The following MYO16 variants were observed in gnomAD, a reference collection of about 807,000 sequenced individuals.
The protein encoded by MYO16 is myosin XVI, also known as unconventional myosin-XVI.
A neutral mutation model predicts 205.3 loss-of-function variants in MYO16; 94 were observed. The observed-to-expected ratio is 0.46, with a 90% CI of 0.39 to 0.54. The LOEUF (loss-of-function observed/expected upper bound fraction) is 0.54, where lower values mean the gene tolerates loss of function less well. Ranked by LOEUF, MYO16 falls within the 20% of genes least tolerant of loss-of-function variation. MYO16 has a pLI of 0.00. For synonymous variants in MYO16, 988 were observed against 954.0 expected (o/e 1.04, Z -0.66); for missense variants, 2,315 against 2,387.5 (o/e 0.97, Z 0.63).
At chr13:109,107,730 T>C (rs536882550) in intron 28 of MYO16, among the ~76,000 whole-genome samples, 2 of 151,330 alleles carry the variant, frequency 1.3e-5, no homozygotes, top group South Asian at 4.2e-4. Flanking sequence ...GAATTATAAA[T>C]GTTGAAAATA....
the MYO16 span, among the ~76,000 whole-genome samples, chr13:108,498,199 C>T: frequency 5.3e-5 from 8 of 152,116 alleles, no homozygotes; most frequent in African/African-American, 1.9e-4. Flanking sequence ...CAAATCCAGG[C>T]CAATAAAAAC....
chr13:108,553,354 C>A, the MYO16 span, among the ~76,000 whole-genome samples: 1 of 152,104 alleles, frequency 6.6e-6, no homozygotes, highest in African/African-American at 2.4e-5. Context: ...ACATTCAAAC[C>A]AAAGCAGCAT....
chr13:108,559,325 G>T, the MYO16 span, among the ~76,000 whole-genome samples: 1 of 152,086 alleles, frequency 6.6e-6, no homozygotes, highest in Non-Finnish European at 1.5e-5. Context: ...AATGCATGGA[G>T]CAGGTTTTCC....
At chr13:108,918,954 CA>C (rs10585137) in intron 16 of MYO16, among the ~76,000 whole-genome samples, 62,625 of 139,486 alleles carry the variant, frequency 0.45, 14,067 homozygotes, top group African/African-American at 0.56. Flanking sequence ...GAAAACAGAA[CA>C]AAAAAAAAAA....
At chr13:108,784,535 G>A (rs1447971355) in intron 4 of MYO16, among the ~76,000 whole-genome samples, 1 of 152,050 alleles carries the variant, frequency 6.6e-6, no homozygotes. Context: ...TATATTTAGA[G>A]CCGTTCTTTG....
At chr13:108,793,458 C>A in intron 5 of MYO16, 58 bp from the exon 6 acceptor site, 1 of 1,552,750 alleles carries the variant, frequency 6.4e-7, no homozygotes, top group African/African-American at 1.4e-5. Flanking sequence ...TAGGCTTTGA[C>A]CCCCAGGAAC....
At chr13:109,181,986 A>G (rs1486018480) in intron 34 of MYO16, among the ~76,000 whole-genome samples, 4 of 151,774 alleles carry the variant, frequency 2.6e-5, no homozygotes. Context: ...CACCCAGCTA[A>G]TTTTGTATTT....
chr13:108,710,826 T>C (rs1883690414), intron 2 of MYO16, among the ~76,000 whole-genome samples: 1 of 152,224 alleles, frequency 6.6e-6, no homozygotes, highest in Non-Finnish European at 1.5e-5. Flanking sequence ...CTTCACACTA[T>C]CTTTGTAGTG....
At chr13:108,750,972 T>C (rs72666798) in intron 4 of MYO16, among the ~76,000 whole-genome samples, 4 of 152,222 alleles carry the variant, frequency 2.6e-5, no homozygotes, top group Non-Finnish European at 2.9e-5. Flanking sequence ...GAGTTGACAA[T>C]ATCAGTATGA....
chr13:108,979,066 A>G (rs1007261756), intron 20 of MYO16, among the ~76,000 whole-genome samples: 1 of 152,028 alleles, frequency 6.6e-6, no homozygotes, highest in Non-Finnish European at 1.5e-5. Flanking sequence ...CCCCAAGATC[A>G]TTGATAATTA....
intron 4 of MYO16, among the ~76,000 whole-genome samples, chr13:108,777,739 T>C (rs1414952984): frequency 6.6e-6 from 1 of 152,200 alleles, no homozygotes; most frequent in Non-Finnish European, 1.5e-5. Flanking sequence ...TGGTCCAATG[T>C]CAGTGAATTA....
the MYO16 span, among the ~76,000 whole-genome samples, chr13:108,547,006 C>T: frequency 2.6e-3 from 393 of 152,210 alleles, 2 homozygotes; most frequent in African/African-American, 8.6e-3. Flanking sequence ...GGTACGGTGG[C>T]TCACCCCTGT....
the MYO16 span, among the ~76,000 whole-genome samples, chr13:108,570,136 T>TAAAC: frequency 6.6e-6 from 1 of 152,202 alleles, no homozygotes; most frequent in African/African-American, 2.4e-5. Flanking sequence ...CTCAAATAAT[T>TAAAC]ACTTAGGGTG....
At chr13:108,741,512 G>A (rs76721580) in intron 4 of MYO16, among the ~76,000 whole-genome samples, 5,404 of 152,180 alleles carry the variant, frequency 0.036, 296 homozygotes, top group African/African-American at 0.12. Flanking sequence ...TATGAGAGCT[G>A]AAACAACAGG....
At chr13:108,788,219 A>C (rs1004243299) in intron 5 of MYO16, among the ~76,000 whole-genome samples, 2 of 152,142 alleles carry the variant, frequency 1.3e-5, no homozygotes, top group African/African-American at 2.4e-5. Flanking sequence ...AGTTGATTAC[A>C]TGGAAACTCG....
At chr13:108,766,569 C>T (rs952146361) in intron 4 of MYO16, among the ~76,000 whole-genome samples, 4 of 152,128 alleles carry the variant, frequency 2.6e-5, no homozygotes, top group African/African-American at 7.2e-5. Flanking sequence ...CTTATAAAAT[C>T]GCCTTCATAC....
chr13:108,558,772 G>A, the MYO16 span, among the ~76,000 whole-genome samples: 6 of 152,202 alleles, frequency 3.9e-5, no homozygotes, highest in African/African-American at 1.2e-4. Flanking sequence ...TCAAGGATCT[G>A]CAAGAAAACA....
chr13:108,540,580 G>A, the MYO16 span, among the ~76,000 whole-genome samples: 1 of 152,132 alleles, frequency 6.6e-6, no homozygotes, highest in Admixed American at 6.6e-5. Flanking sequence ...CATAGGTTCA[G>A]TCTGTTAAAG....
rs1877082062 is a variant in MYO16 at position 109,141,292 on chromosome 13, C to T, written c.5080C>T (p.Leu1694=). 2 of 1,596,900 alleles carry T rather than the reference C, an allele frequency of 1.3e-6. No homozygotes were observed. Among genetic ancestry groups the T allele is most frequent in the South Asian group, 2.2e-5 (2 of 89,666 alleles). ...CAGCTCCAGGCCTCTCAGCAGCCCC[C>T]TGGACGAGCTCGCCAGCCTCTTCAA... is the stretch of plus-strand genomic sequence containing the variant. ...PPSSRPLSSP[L]DELASLFNSG... Residue 1694 remains leucine (L), a synonymous_variant, in exon 32 of 35, where the codon CTG becomes TTG. Coordinates refer to ENST00000457511, the MANE Select transcript of MYO16 (RefSeq NM_001198950.3). This position sits in a 1 kb window ranked among gnomAD's most constrained non-coding sequence, Gnocchi z 4.1.
Sources: allele counts gnomAD v4.1 joint callset (sites outside exome capture counted in the v4.1 genomes callset), GRCh38; gene constraint gnomAD v4.1.1; non-coding constraint Gnocchi (gnomAD v3.1); transcripts MANE v1.5; gene names NCBI Gene and HGNC (gene_info 2026-07-23, HGNC 2026-07-21).